UGT3A1: variants seen among roughly 807,000 people sequenced by gnomAD.
The protein encoded by UGT3A1 is UDP-glycosyltransferase 3A1.
In UGT3A1, 40 loss-of-function variants were observed where a neutral mutation model predicts 37.6. The observed-to-expected ratio is 1.06, with a 90% CI of 0.83 to 1.38. The LOEUF (loss-of-function observed/expected upper bound fraction) is 1.38, where lower values mean the gene tolerates loss of function less well. Ranked by LOEUF, UGT3A1 falls within the 40% of genes most tolerant of loss-of-function variation. The pLI, the probability that UGT3A1 is intolerant of heterozygous loss-of-function variation, is 0.00. For synonymous variants in UGT3A1, 256 were observed against 232.3 expected (o/e 1.10, Z -0.93); for missense variants, 642 against 634.2 (o/e 1.01, Z -0.13).
upstream of UGT3A1, among the ~76,000 whole-genome samples, chr5:35,992,021 C>A (rs948086888): frequency 2.0e-5 from 3 of 152,152 alleles, no homozygotes; most frequent in Non-Finnish European, 4.4e-5. Flanking sequence ...GAAGGGTCAA[C>A]CCTGGGAAAG....
Position 35,968,110 on chromosome 5 carries a change from A to G in UGT3A1, c.220T>C (p.Tyr74His), listed in dbSNP as rs1739888653. Residue 74 changes from tyrosine (Y) to histidine (H), a missense_variant, in exon 3 of 7, where the codon TAC becomes CAC. Coordinates refer to ENST00000274278, the MANE Select transcript of UGT3A1 (RefSeq NM_152404.4). Reference sequence around the variant, plus strand: ...GGTGAAAACCACCTGATAACTTGGTATGATTTTTCCTCCTCTTTAATATCT... The same window carrying G: ...GGTGAAAACCACCTGATAACTTGGTGTGATTTTTCCTCCTCTTTAATATCT... Reference protein sequence around the residue: ...IPDIKEEEKSYQVIRWFSPED... With the variant: ...IPDIKEEEKSHQVIRWFSPED... 1 of 1,612,650 alleles carries G rather than the reference A, an allele frequency of 6.2e-7. No individual in the cohort carries two copies. The highest frequency in any genetic ancestry group is 2.2e-5 in the East Asian group (1 of 44,794).
intron 1 of UGT3A1, among the ~76,000 whole-genome samples, chr5:35,997,816 G>A (rs552744223): frequency 6.6e-6 from 1 of 152,316 alleles, no homozygotes; most frequent in South Asian, 2.1e-4. Context: ...CTCTCAAGAA[G>A]ATAGTCTATA....
chr5:35,987,010 A>G (rs919715794), intron 2 of UGT3A1, among the ~76,000 whole-genome samples: 51 of 152,278 alleles, frequency 3.3e-4, no homozygotes, highest in Admixed American at 5.9e-4. Context: ...AGAACCTCAA[A>G]TAATTATGTT....
chr5:35,973,640 ATTT>A (rs1198031870), intron 2 of UGT3A1, among the ~76,000 whole-genome samples: 6 of 152,140 alleles, frequency 3.9e-5, no homozygotes, highest in Non-Finnish European at 7.4e-5. Context: ...AAGAGGACAC[ATTT>A]TTTTCACCAT....
intron 4 of UGT3A1, among the ~76,000 whole-genome samples, chr5:35,958,125 TATA>T (rs931575649): frequency 6.6e-6 from 1 of 152,202 alleles, no homozygotes; most frequent in African/African-American, 2.4e-5. Flanking sequence ...AAATGATACT[TATA>T]ATATTATAAT....
intron 4 of UGT3A1, chr5:35,960,858 A>T (rs928587507): frequency 2.6e-5 from 4 of 152,234 alleles, no homozygotes; most frequent in African/African-American, 7.2e-5. Context: ...TCAGCCATCC[A>T]GTGGCTGATC....
rs767462567 is a variant in UGT3A1 at position 35,954,492 on chromosome 5, CAG to C, written c.1296-16_1296-15del. On this transcript the variant is annotated splice_polypyrimidine_tract_variant and intron_variant, in intron 6 of 6. Transcript: ENST00000274278. ...GCCGACTTGTACCTGTTGGCGGAGA[CAG>C]AGAGGGTGTGTTACTGACGTAGCCT... 1 of 1,611,816 alleles carries C rather than the reference CAG, an allele frequency of 6.2e-7. No individual in the cohort carries two copies. The highest frequency in any genetic ancestry group is 1.3e-5 in the African/African-American group (1 of 74,914).
chr5:35,962,119 A>T (rs565870778), intron 4 of UGT3A1: 2 of 152,326 alleles, frequency 1.3e-5, no homozygotes, highest in South Asian at 4.2e-4. Context: ...ATGTGAAACA[A>T]AGCTCATCCC....
intron 4 of UGT3A1, among the ~76,000 whole-genome samples, chr5:35,964,504 G>A (rs769777050): frequency 6.6e-6 from 1 of 152,014 alleles, no homozygotes; most frequent in East Asian, 1.9e-4. Context: ...AACTCTTCCT[G>A]TTTACTCAAT....
In UGT3A1 at chr5:35,988,569, T is replaced by G; in HGVS notation, c.95-18A>C. ...GCTTCCACCTAGAAACAATGCACAA[T>G]GTCTTTTGTAAAGATGAAAATAGAG... On this transcript the variant is annotated intron_variant, in intron 1 of 6. Transcript: ENST00000274278. 2 of 1,572,350 alleles carry G rather than the reference T, an allele frequency of 1.3e-6. No individual in the cohort carries two copies. The highest frequency in any genetic ancestry group is 2.3e-5 in the South Asian group (2 of 87,740).
chr5:35,984,931 G>T (rs1233327361), intron 2 of UGT3A1, among the ~76,000 whole-genome samples: 1 of 151,804 alleles, frequency 6.6e-6, no homozygotes, highest in Non-Finnish European at 1.5e-5. Flanking sequence ...GCTGCTTTAA[G>T]ATATATTCTA....
chr5:35,968,069 T>G lies in UGT3A1; in HGVS notation c.261A>C (p.Lys87Asn). Residue 87 changes from lysine to asparagine, a missense_variant, in exon 3 of 7, where the codon AAA becomes AAC. Lys to Asn is a moderately conservative substitution (Grantham distance 94, BLOSUM62 0). Coordinates refer to ENST00000274278, the MANE Select transcript of UGT3A1 (RefSeq NM_152404.4). ...AGCTATCAAAATGCTTCTTAATTCT[T>G]TTTTGATGATCTTCAGGTGAAAACC... ...IRWFSPEDHQ[K>N]RIKKHFDSYI... 6.2e-7 allele frequency: 1 copy of G among 1,613,204 alleles called. No homozygotes were observed. The highest frequency in any genetic ancestry group is 1.3e-5 in the African/African-American group (1 of 75,038).
At chr5:35,976,077 C>G (rs1740256951) in intron 2 of UGT3A1, among the ~76,000 whole-genome samples, 1 of 152,118 alleles carries the variant, frequency 6.6e-6, no homozygotes, top group Non-Finnish European at 1.5e-5. Context: ...GTTCCTGCAG[C>G]CTTATGCTCT....
intron 2 of UGT3A1, among the ~76,000 whole-genome samples, chr5:35,971,968 G>A (rs1020050619): frequency 1.2e-4 from 18 of 152,094 alleles, no homozygotes; most frequent in African/African-American, 3.9e-4. Context: ...GCTGCGGGAG[G>A]AAAGCAAGGA....
At chr5:35,980,393 C>T (rs995384523) in intron 2 of UGT3A1, among the ~76,000 whole-genome samples, 27 of 152,150 alleles carry the variant, frequency 1.8e-4, no homozygotes, top group Non-Finnish European at 1.9e-4. Context: ...GGCCTTCTCC[C>T]TAAATGGAGG....
chr5:35,994,405 A>C (rs978238429), upstream of UGT3A1, among the ~76,000 whole-genome samples: 4 of 146,070 alleles, frequency 2.7e-5, no homozygotes, highest in African/African-American at 1.0e-4. Flanking sequence ...GGTTTGACCA[A>C]CTCCAAACCC....
chr5:35,968,962 C>G (rs1373489820), intron 2 of UGT3A1, among the ~76,000 whole-genome samples: 2 of 152,118 alleles, frequency 1.3e-5, no homozygotes, highest in African/African-American at 4.8e-5. Context: ...TGTCTCAAAC[C>G]AAAGCTATCT....
At chr5:35,957,056 C>T (rs986949210) in intron 5 of UGT3A1, 132 bp downstream of exon 5, 28 of 699,924 alleles carry the variant, frequency 4.0e-5, no homozygotes, top group Non-Finnish European at 4.8e-6. Flanking sequence ...TTTTCCTGTC[C>T]TCTGAGCATT....
chr5:35,965,637 A>G lies in UGT3A1; in HGVS notation c.592T>C (p.Trp198Arg), dbSNP rs759596775. 1 of 1,614,212 alleles carries G rather than the reference A, an allele frequency of 6.2e-7. No individual in the cohort carries two copies. Among genetic ancestry groups the G allele is most frequent in the Non-Finnish European group, 8.5e-7 (1 of 1,180,040 alleles). ...ATCAGAAAATTCTTCACTCGGCCCC[A>G]GAAGTCCATGTGATCAGTCAGCAAG... ...PSLLTDHMDF[W>R]GRVKNFLMFF... The change falls in exon 4 of 7, where the codon TGG becomes CGG. Residue 198 changes from tryptophan to arginine, a missense_variant. Transcript: ENST00000274278.
Sources: gnomAD v4.1 joint callset for allele counts (sites outside exome capture counted in the v4.1 genomes callset) on GRCh38, gnomAD v4.1.1 for gene constraint, MANE v1.5 for transcripts, NCBI Gene and HGNC (gene_info 2026-07-23, HGNC 2026-07-21) for gene names.